ADAMTS12: variants seen among roughly 807,000 people sequenced by gnomAD.
ADAMTS12 encodes the protein A disintegrin and metalloproteinase with thrombospondin motifs 12.
Under a neutral mutation model 167.8 loss-of-function variants are expected in ADAMTS12, and 118 were observed. That is an observed-to-expected ratio of 0.70 (90% CI 0.61 to 0.82). ADAMTS12 has a LOEUF of 0.82. ADAMTS12 is among the 40% of genes least tolerant of loss of function. ADAMTS12 has a pLI of 0.00. For synonymous variants in ADAMTS12, 704 were observed against 716.9 expected (o/e 0.98, Z 0.29); for missense variants, 1,916 against 1,998.8 (o/e 0.96, Z 0.79).
Position 33,641,868 on chromosome 5 carries a change from A to C in ADAMTS12, c.1660T>G (p.Cys554Gly). The C allele has an allele frequency of 6.2e-7, 1 of 1,613,780 alleles. No individual in the cohort carries two copies. Among genetic ancestry groups the C allele is most frequent in the Non-Finnish European group, 8.5e-7 (1 of 1,179,784 alleles). Residue 554 changes from cysteine to glycine, a missense_variant, in exon 11 of 24, where the codon TGT (cysteine) becomes GGT (glycine). Cys to Gly is a radical substitution (Grantham distance 159). Coordinates refer to ENST00000504830, the MANE Select transcript of ADAMTS12 (RefSeq NM_030955.4). ...ACTCCAGCCCCACAGGTCCTGGAAC[A>C]GTGGGACCAGGGTGACCAGCGGCCC... ...GWGRWSPWSH[C>G]SRTCGAGVQS...
chr5:33,886,405 T>C (rs1353936988), intron 1 of ADAMTS12, among the ~76,000 whole-genome samples: 3 of 152,228 alleles, frequency 2.0e-5, no homozygotes, highest in South Asian at 2.1e-4. Context: ...CCCCATTTCA[T>C]AGATAAGGAA....
intron 2 of ADAMTS12, among the ~76,000 whole-genome samples, chr5:33,859,303 G>C (rs1449274783): frequency 6.6e-6 from 1 of 152,236 alleles, no homozygotes; most frequent in Non-Finnish European, 1.5e-5. Flanking sequence ...GTTGATCCGG[G>C]ATGGACTAGC....
chr5:33,814,141 G>C (rs895240978), intron 2 of ADAMTS12, among the ~76,000 whole-genome samples: 1 of 152,000 alleles, frequency 6.6e-6, no homozygotes, highest in Non-Finnish European at 1.5e-5. Context: ...CTTTATCTTA[G>C]TGTTTTAATG....
At chr5:33,780,659 A>G (rs1307375049) in intron 2 of ADAMTS12, among the ~76,000 whole-genome samples, 2 of 152,208 alleles carry the variant, frequency 1.3e-5, no homozygotes, top group Non-Finnish European at 2.9e-5. Flanking sequence ...GCCACCAAGT[A>G]CTGATTCTTG....
intron 3 of ADAMTS12, among the ~76,000 whole-genome samples, chr5:33,701,337 C>T (rs1016927892): frequency 3.3e-5 from 5 of 152,146 alleles, no homozygotes; most frequent in Non-Finnish European, 7.4e-5. Flanking sequence ...TTTGTTCTTT[C>T]CTCCTTCCTT....
chr5:33,731,686 C>T (rs1744199522), intron 3 of ADAMTS12, among the ~76,000 whole-genome samples: 1 of 152,054 alleles, frequency 6.6e-6, no homozygotes, highest in Non-Finnish European at 1.5e-5. Flanking sequence ...AGAATTAAGG[C>T]CAGTGTGAAA....
At chr5:33,889,047 A>G (rs531126320) in intron 1 of ADAMTS12, among the ~76,000 whole-genome samples, 2 of 152,204 alleles carry the variant, frequency 1.3e-5, no homozygotes, top group Non-Finnish European at 2.9e-5. Context: ...CCAAATGTGG[A>G]ACCCTGTGCA....
At chr5:33,685,590 C>A (rs189236812) in intron 3 of ADAMTS12, among the ~76,000 whole-genome samples, 1 of 152,290 alleles carries the variant, frequency 6.6e-6, no homozygotes, top group African/African-American at 2.4e-5. Context: ...CATCATAGGT[C>A]TAAATAAATT....
intron 2 of ADAMTS12, among the ~76,000 whole-genome samples, chr5:33,803,336 C>T (rs915395957): frequency 2.6e-5 from 4 of 152,192 alleles, no homozygotes; most frequent in Non-Finnish European, 5.9e-5. Flanking sequence ...TAATGAGAAG[C>T]TTACATTTAG....
chr5:33,760,334 T>C (rs977029125), intron 2 of ADAMTS12, among the ~76,000 whole-genome samples: 7 of 151,750 alleles, frequency 4.6e-5, no homozygotes, highest in African/African-American at 1.7e-4. Flanking sequence ...GTTCACAATG[T>C]CTGTAATAGC....
intron 4 of ADAMTS12, 44 bp downstream of exon 4, chr5:33,683,815 C>A: frequency 7.4e-7 from 1 of 1,359,320 alleles, no homozygotes; most frequent in South Asian, 2.2e-5. Context: ...TTTCTAATGA[C>A]ATCTGTTCAC....
intron 2 of ADAMTS12, among the ~76,000 whole-genome samples, chr5:33,870,275 A>G (rs1749987918): frequency 6.6e-6 from 1 of 152,228 alleles, no homozygotes; most frequent in African/African-American, 2.4e-5. Flanking sequence ...GGATTAAGAG[A>G]TTAAAGTAAA....
chr5:33,750,924 T>C (rs1035242712), intron 3 of ADAMTS12, among the ~76,000 whole-genome samples: 2 of 152,218 alleles, frequency 1.3e-5, no homozygotes, highest in Non-Finnish European at 2.9e-5. Flanking sequence ...TTTTTCAGTT[T>C]TTCTTCACAC....
At chr5:33,577,629 C>G (rs889923142) in intron 18 of ADAMTS12, among the ~76,000 whole-genome samples, 16 of 152,194 alleles carry the variant, frequency 1.1e-4, no homozygotes, top group African/African-American at 3.9e-4. Context: ...ACTATCATAA[C>G]TCACACATTT....
At chr5:33,615,727 T>C (rs1738967302) in intron 15 of ADAMTS12, 101 bp downstream of exon 15, 8 of 1,492,966 alleles carry the variant, frequency 5.4e-6, no homozygotes, top group Non-Finnish European at 7.2e-6. Context: ...AAAGAGGTTT[T>C]AAAGATTCTG....
rs568956756 is a variant in ADAMTS12 at position 33,536,621 on chromosome 5, A to G, written c.4447-1629T>C. On this transcript the variant is annotated intron_variant, in intron 22 of 23. Coordinates refer to ENST00000504830, the MANE Select transcript of ADAMTS12 (RefSeq NM_030955.4). ...GATCATAGAGGTTACGAGTGATTCC[A>G]AAGGCTGGCCTGGTAGGTGTTAACC... 7.5e-4 allele frequency among the ~76,000 whole-genome samples: 114 copies of G among 152,300 alleles called. 3 individuals are homozygous for G. In the South Asian group the frequency reaches 0.021, roughly 28 times the overall value.
chr5:33,592,995 C>T (rs977234969), intron 17 of ADAMTS12, among the ~76,000 whole-genome samples: 4 of 152,096 alleles, frequency 2.6e-5, no homozygotes, highest in Admixed American at 6.5e-5. Flanking sequence ...AAAAGCAAAT[C>T]GCCAGGCACA....
intron 2 of ADAMTS12, among the ~76,000 whole-genome samples, chr5:33,761,874 G>A (rs999250307): frequency 6.6e-6 from 1 of 152,192 alleles, no homozygotes; most frequent in African/African-American, 2.4e-5. Flanking sequence ...GAGAGGAGCT[G>A]AGAAAGTCTG....
intron 3 of ADAMTS12, among the ~76,000 whole-genome samples, chr5:33,731,712 A>G (rs937826609): frequency 6.6e-6 from 1 of 152,174 alleles, no homozygotes; most frequent in Non-Finnish European, 1.5e-5. Flanking sequence ...GCACTCAGGA[A>G]CACGATGCTC....
Sources: gnomAD v4.1 joint callset for allele counts (sites outside exome capture counted in the v4.1 genomes callset) on GRCh38, gnomAD v4.1.1 for gene constraint, MANE v1.5 for transcripts, NCBI Gene and HGNC (gene_info 2026-07-23, HGNC 2026-07-21) for gene names.